The following FOXP4 variants were observed in gnomAD, a reference collection of about 807,000 sequenced individuals.
FOXP4 encodes forkhead box protein P4.
A neutral mutation model predicts 82.6 loss-of-function variants in FOXP4; 25 were observed. The observed-to-expected ratio is 0.30, with a 90% CI of 0.22 to 0.42. FOXP4 has a LOEUF of 0.42. Ranked by LOEUF, FOXP4 falls within the 10% of genes least tolerant of loss-of-function variation. The probability of loss-of-function intolerance (pLI) is 1.00; values close to 1 mark genes in which losing one functional copy is unlikely to be tolerated. For missense variants in FOXP4, 785 were observed against 900.9 expected (o/e 0.87, Z 1.65); for synonymous variants, 415 against 388.2 (o/e 1.07, Z -0.81).
intron 2 of FOXP4, among the ~76,000 whole-genome samples, chr6:41,566,845 G>A (rs774892841): frequency 6.6e-6 from 1 of 152,146 alleles, no homozygotes; most frequent in Non-Finnish European, 1.5e-5. Flanking sequence ...GAGAAGCAGG[G>A]CTCTGTGTGT....
In FOXP4 at chr6:41,590,132, G is replaced by T; in HGVS notation, c.1319G>T (p.Arg440Leu). 1 of 1,610,422 alleles carries T rather than the reference G, an allele frequency of 6.2e-7. No individual in the cohort carries two copies. ...ASLHGGGPAR[R>L]RSSDKFCSPI... ...CTGCATGGTGGGGGCCCAGCCCGTC[G>T]GAGAAGCAGTGACAAGTTCTGCTCC... The change falls in exon 11 of 17, where the codon CGG (arginine) becomes CTG (leucine). Residue 440 changes from arginine (R) to leucine (L), a missense_variant. Arg to Leu is a moderately radical substitution (Grantham distance 102, BLOSUM62 -2). Around this residue, in one of 3 missense-constraint regions of FOXP4, gnomAD observed 570 missense variants for 634.0 expected, o/e 0.90. Coordinates refer to ENST00000307972, the MANE Select transcript of FOXP4 (RefSeq NM_001012426.2).
intron 2 of FOXP4, among the ~76,000 whole-genome samples, chr6:41,577,645 A>G (rs764149492): frequency 3.3e-5 from 5 of 152,118 alleles, no homozygotes; most frequent in African/African-American, 4.8e-5. Context: ...TGCTCAACAA[A>G]TAGTACTGAT....
chr6:41,581,987 C>T (rs1296194081), intron 3 of FOXP4, among the ~76,000 whole-genome samples: 6 of 152,348 alleles, frequency 3.9e-5, no homozygotes, highest in African/African-American at 9.6e-5. Flanking sequence ...GGGCCACGTT[C>T]GTCTCTAGTT....
chr6:41,597,971 C>A, intron 16 of FOXP4, 21 bp downstream of exon 16: 1 of 1,466,892 alleles, frequency 6.8e-7, no homozygotes, highest in African/African-American at 1.4e-5. Flanking sequence ...AGCACGGACC[C>A]CCACCCACCC....
chr6:41,598,552 T>G (rs1358153056), intron 16 of FOXP4, among the ~76,000 whole-genome samples: 1 of 152,110 alleles, frequency 6.6e-6, no homozygotes, highest in African/African-American at 2.4e-5. Flanking sequence ...CTCCGTTCGC[T>G]CATCTCCCCT....
rs572274960 is a variant in FOXP4, at chr6:41,575,944, A to G, written c.205-2042A>G. On this transcript the variant is annotated intron_variant, in intron 2 of 16. Transcript: ENST00000307972. ...TACTCTACCTCCACCTTTGGAGGAC[A>G]AAGAGCACTTGTCAGTAGACCTGGA... 4.6e-5 allele frequency among the ~76,000 whole-genome samples: 7 copies of G among 152,042 alleles called. No homozygotes were observed. In the South Asian group the frequency reaches 1.5e-3, roughly 32 times the overall value.
chr6:41,588,715 A>G lies in FOXP4; in HGVS notation c.1049A>G (p.Gln350Arg). 6.2e-7 allele frequency: 1 copy of G among 1,613,748 alleles called. No homozygotes were observed. The highest frequency in any genetic ancestry group is 8.5e-7 in the Non-Finnish European group (1 of 1,180,020). The change falls in exon 9 of 17, where the codon CAG (glutamine) becomes CGG (arginine). Residue 350 changes from glutamine to arginine, a missense_variant. Transcript: ENST00000307972. Reference protein sequence around the residue: ...AQCRVQMQVVQQLEIQLAKES... With the variant: ...AQCRVQMQVVRQLEIQLAKES... Reference sequence around the variant, plus strand: ...TGCCGGGTACAGATGCAGGTGGTGCAGCAGCTGGAGATCCAGGTGTGGCCC... The same window carrying G: ...TGCCGGGTACAGATGCAGGTGGTGCGGCAGCTGGAGATCCAGGTGTGGCCC...
At chr6:41,564,065 C>T (rs1764740296) in intron 1 of FOXP4, among the ~76,000 whole-genome samples, 1 of 152,194 alleles carries the variant, frequency 6.6e-6, no homozygotes, top group Non-Finnish European at 1.5e-5. Flanking sequence ...CATGGTCTGA[C>T]CTGTTTGACT....
chr6:41,587,241 C>A, intron 6 of FOXP4, 58 bp from the exon 7 acceptor site: 2 of 1,608,016 alleles, frequency 1.2e-6, no homozygotes, highest in Non-Finnish European at 1.7e-6. Context: ...GTTCTTGGGG[C>A]CAGGTAGAAA....
At chr6:41,561,929 G>A (rs1171961907) in intron 1 of FOXP4, among the ~76,000 whole-genome samples, 1 of 152,196 alleles carries the variant, frequency 6.6e-6, no homozygotes, top group East Asian at 1.9e-4. Flanking sequence ...TCAGGCTCCT[G>A]TGGACACTGA....
intron 2 of FOXP4, among the ~76,000 whole-genome samples, chr6:41,571,518 G>A (rs1765197429): frequency 1.3e-5 from 2 of 152,324 alleles, no homozygotes; most frequent in South Asian, 2.1e-4. Flanking sequence ...TCCTGAAATC[G>A]GGGCTGTACA....
chr6:41,583,967 G>A (rs1204376333), intron 3 of FOXP4, among the ~76,000 whole-genome samples: 2 of 152,186 alleles, frequency 1.3e-5, no homozygotes, highest in Admixed American at 1.3e-4. Flanking sequence ...AGTCTCTTAT[G>A]TTTTATGTTT....
intron 3 of FOXP4, among the ~76,000 whole-genome samples, chr6:41,582,107 G>T (rs1765835055): frequency 6.6e-6 from 1 of 152,232 alleles, no homozygotes; most frequent in Non-Finnish European, 1.5e-5. Context: ...GGAGGGGAAA[G>T]GGAAAATCCA....
intron 1 of FOXP4, among the ~76,000 whole-genome samples, chr6:41,563,972 C>T (rs1036666181): frequency 7.9e-5 from 12 of 152,120 alleles, no homozygotes; most frequent in African/African-American, 2.9e-4. Context: ...CCATAGGTGC[C>T]AAGAAACATT....
rs370455496 is a variant in FOXP4 at position 41,576,462 on chromosome 6, GT to G, written c.205-1520del. Among the ~76,000 whole-genome samples, 861 of 152,238 alleles carry G rather than the reference GT, an allele frequency of 5.7e-3. 8 individuals carry two copies. Among genetic ancestry groups the G allele is most frequent in the African/African-American group, 0.02 (826 of 41,530 alleles). On this transcript the variant is annotated intron_variant, in intron 2 of 16. Transcript: ENST00000307972. The stretch of plus-strand genomic sequence containing the variant: ...GTGCAGCCATATCCCACCTTAAAAG[GT>G]TTTGCCTTGAAGGTGCTTGTGGTGG...
rs368537023 is a variant in FOXP4, at chr6:41,561,374, G to A, written c.-16-4371G>A. Among the ~76,000 whole-genome samples, 3 of 152,124 alleles carry A rather than the reference G, an allele frequency of 2.0e-5. No homozygotes were observed. In the East Asian group the frequency reaches 5.8e-4, roughly 29 times the overall value. ...AGAGGCATATGGAAAGTCTGGGGTG[G>A]GGGATAAGAGCCCAGTATTAGCGAA... On this transcript the variant is annotated intron_variant, in intron 1 of 16. Coordinates refer to ENST00000307972, the MANE Select transcript of FOXP4 (RefSeq NM_001012426.2).
chr6:41,571,874 C>T (rs993358836), intron 2 of FOXP4, among the ~76,000 whole-genome samples: 1 of 152,112 alleles, frequency 6.6e-6, no homozygotes, highest in African/African-American at 2.4e-5. Flanking sequence ...CTAACTCCTC[C>T]TTCTTGTACC....
At chr6:41,564,952 G>T (rs1764790124) in intron 1 of FOXP4, among the ~76,000 whole-genome samples, 1 of 152,192 alleles carries the variant, frequency 6.6e-6, no homozygotes, top group African/African-American at 2.4e-5. Context: ...CATTTGCCCT[G>T]GGATGGGAGC....
chr6:41,599,281 A>G lies in FOXP4; in HGVS notation c.*345A>G, dbSNP rs531479133. On this transcript the variant is annotated 3_prime_UTR_variant, in exon 17 of 17. Coordinates refer to ENST00000307972, the MANE Select transcript of FOXP4 (RefSeq NM_001012426.2). ...TCTCCCCACAGGGCCCCTCAGCATC[A>G]TGGAGACCCGCAGGCGGGGCTTAGC... 45 of 195,444 alleles carry G rather than the reference A, an allele frequency of 2.3e-4. No individual in the cohort carries two copies. The highest frequency in any genetic ancestry group is 4.6e-4 in the Non-Finnish European group (44 of 94,994). The allele number at this position is 195,444 out of a possible 1,614,324, so 12.1% of individuals were successfully genotyped here. A position where few individuals can be genotyped will look rare whatever the true frequency, so the allele number is the denominator to read the frequency against.
Sources: allele counts gnomAD v4.1 joint callset (sites outside exome capture counted in the v4.1 genomes callset), GRCh38; gene constraint gnomAD v4.1.1; regional missense constraint gnomAD v4.1.1; transcripts MANE v1.5; gene names NCBI Gene and HGNC (gene_info 2026-07-23, HGNC 2026-07-21).